Variants in PAK3 observed in about 807,000 individuals in gnomAD.
The protein encoded by PAK3 is serine/threonine-protein kinase PAK 3.
A neutral mutation model predicts 41.0 loss-of-function variants in PAK3; 4 were observed. The ratio of observed to expected loss-of-function variants is 0.10; its 90% confidence interval spans 0.05 to 0.22. The LOEUF is 0.22. Ranked by LOEUF, PAK3 falls within the 10% of genes least tolerant of loss-of-function variation. The probability of loss-of-function intolerance (pLI) is 1.00; values close to 1 mark genes in which losing one functional copy is unlikely to be tolerated. For missense variants in PAK3, 205 were observed against 409.9 expected (o/e 0.50, Z 4.32); for synonymous variants, 146 against 139.6 (o/e 1.05, Z -0.32).
chrX:110,944,721 T>C (rs2090571969), intron 1 of PAK3: 2 of 112,112 alleles, frequency 1.8e-5, no homozygotes. Flanking sequence ...GGATGGTAGA[T>C]TATTTCCCAG....
intron 1 of PAK3, among the ~76,000 whole-genome samples, chrX:111,024,724 G>A (rs1036512823): frequency 1.8e-5 from 2 of 110,539 alleles, no homozygotes; most frequent in African/African-American, 6.6e-5. Context: ...TCCACTGATG[G>A]CACTAGATAG....
chrX:110,959,703 C>G (rs187604546), intron 1 of PAK3, among the ~76,000 whole-genome samples: 265 of 111,334 alleles, frequency 2.4e-3, no homozygotes, highest in African/African-American at 8.2e-3. Context: ...CATCAGTTCT[C>G]TTGCAGCTTA....
rs137855228 is a variant in PAK3 at position 111,061,373 on chromosome X, A to C, written c.-27-61704A>C. 3.7e-3 allele frequency among the ~76,000 whole-genome samples: 415 copies of C among 111,914 alleles called. 3 individuals carry two copies. The highest frequency in any genetic ancestry group is 6.3e-3 in the Non-Finnish European group (333 of 53,143). Reference sequence around the variant, plus strand: ...TGATTTATTTTTGTCTAGTCATGTGAATACATTTTAATTACACAATGTATA... The same window carrying C: ...TGATTTATTTTTGTCTAGTCATGTGCATACATTTTAATTACACAATGTATA... On this transcript the variant is annotated intron_variant, in intron 1 of 14. Transcript: ENST00000425146.
At chrX:110,944,922 G>A (rs1004652979) in intron 1 of PAK3, among the ~76,000 whole-genome samples, 1 of 112,014 alleles carries the variant, frequency 8.9e-6, no homozygotes, top group African/African-American at 3.2e-5. Flanking sequence ...CCCAGGCTGA[G>A]CTTTCTCTTG....
chrX:111,162,932 T>C lies in PAK3; in HGVS notation c.486T>C (p.Ser162=). 1 of 1,206,687 alleles carries C rather than the reference T, an allele frequency of 8.3e-7. No homozygotes were observed. The highest frequency in any genetic ancestry group is 1.1e-6 in the Non-Finnish European group (1 of 891,053). The change falls in exon 9 of 18, where the codon TCT becomes TCC. Residue 162 remains serine (S), a synonymous_variant. Coordinates refer to ENST00000372007, the MANE Select transcript of PAK3 (RefSeq NM_002578.5). ...GTCACAAGAGTACAAAAACAGCATCTGAGCCTCCATTGGCCCCTCCTGTGT... is the reference window on the plus strand; with the variant it reads ...GTCACAAGAGTACAAAAACAGCATCCGAGCCTCCATTGGCCCCTCCTGTGT... ...AAHPSSTKTA[S]EPPLAPPVSE...
At chrX:111,187,526 T>C (rs1341814128) in intron 11 of PAK3, among the ~76,000 whole-genome samples, 1 of 111,350 alleles carries the variant, frequency 9.0e-6, no homozygotes, top group Non-Finnish European at 1.9e-5. Context: ...AGGGGAGGTT[T>C]GAATGAATGG....
At chrX:111,028,867 T>C (rs2092307110) in intron 1 of PAK3, among the ~76,000 whole-genome samples, 1 of 111,666 alleles carries the variant, frequency 9.0e-6, no homozygotes, top group Non-Finnish European at 1.9e-5. Flanking sequence ...GCACAGTGGC[T>C]CATGCCTATA....
At chrX:111,138,902 A>T (rs2093831153) in intron 5 of PAK3, among the ~76,000 whole-genome samples, 1 of 110,783 alleles carries the variant, frequency 9.0e-6, no homozygotes, top group Non-Finnish European at 1.9e-5. Context: ...CGGGAGGCGG[A>T]GTTTGTAGTA....
At chrX:111,108,499 C>T (rs2093314498) in intron 4 of PAK3, among the ~76,000 whole-genome samples, 1 of 112,305 alleles carries the variant, frequency 8.9e-6, no homozygotes, top group African/African-American at 3.2e-5. Flanking sequence ...TTCCTGAGCT[C>T]CACTTCCTGT....
At chrX:110,992,408 T>TCAGAA (rs1351632639) in intron 1 of PAK3, among the ~76,000 whole-genome samples, 1 of 110,287 alleles carries the variant, frequency 9.1e-6, no homozygotes, top group African/African-American at 3.3e-5. Context: ...AGGAGCTTGT[T>TCAGAA]CAGTGAAGGA....
intron 10 of PAK3, among the ~76,000 whole-genome samples, chrX:111,168,063 G>T (rs973098804): frequency 1.8e-5 from 2 of 110,670 alleles, no homozygotes; most frequent in Non-Finnish European, 3.8e-5. Context: ...ATATAGAACT[G>T]ATATCAATTT....
At chrX:111,131,980 A>ATT (rs752592755) in intron 5 of PAK3, among the ~76,000 whole-genome samples, 1 of 109,899 alleles carries the variant, frequency 9.1e-6, no homozygotes. Context: ...GCAAAATGGC[A>ATT]TTTTTTTTTA....
At chrX:111,041,958 A>T (rs763257862) in intron 1 of PAK3, among the ~76,000 whole-genome samples, 1 of 112,046 alleles carries the variant, frequency 8.9e-6, no homozygotes, top group South Asian at 3.7e-4. Flanking sequence ...TTATTACTGC[A>T]TATATATTTC....
At chrX:111,167,064 T>A (rs958873898) in intron 10 of PAK3, among the ~76,000 whole-genome samples, 1 of 111,917 alleles carries the variant, frequency 8.9e-6, no homozygotes, top group African/African-American at 3.2e-5. Context: ...ATATAAGACA[T>A]CTAGCACAAT....
chrX:111,208,934 CGTGT>C (rs202080809), intron 16 of PAK3, among the ~76,000 whole-genome samples: 5 of 104,389 alleles, frequency 4.8e-5, no homozygotes, highest in African/African-American at 7.1e-5. Flanking sequence ...CGAGGAATGA[CGTGT>C]GTGTGTGTGT....
chrX:111,105,307 T>A (rs936549593), intron 4 of PAK3, among the ~76,000 whole-genome samples: 1 of 111,452 alleles, frequency 9.0e-6, no homozygotes, highest in Non-Finnish European at 1.9e-5. Context: ...ACTTTCACAC[T>A]TACATTCACA....
chrX:111,070,603 G>T (rs2092736176), intron 1 of PAK3, among the ~76,000 whole-genome samples: 1 of 111,914 alleles, frequency 8.9e-6, no homozygotes, highest in African/African-American at 3.2e-5. Context: ...TATACTTCAT[G>T]AATAGCTCTT....
chrX:111,039,985 T>A (rs1370230023), intron 1 of PAK3, among the ~76,000 whole-genome samples: 2 of 54,891 alleles, frequency 3.6e-5, no homozygotes, highest in Admixed American at 2.9e-4. Flanking sequence ...CTGGGAAAAG[T>A]AGATGGAGCA....
chrX:111,219,251 G>T (rs1352526319), intron 17 of PAK3, among the ~76,000 whole-genome samples: 2 of 105,927 alleles, frequency 1.9e-5, no homozygotes, highest in African/African-American at 6.8e-5. Context: ...AGAGATAAAT[G>T]TAAGAGACGT....
Sources: gnomAD v4.1 joint callset for allele counts (sites outside exome capture counted in the v4.1 genomes callset) on GRCh38, gnomAD v4.1.1 for gene constraint, MANE v1.5 for transcripts, NCBI Gene and HGNC (gene_info 2026-07-23, HGNC 2026-07-21) for gene names.